SATL1: variants seen among roughly 807,000 people sequenced by gnomAD.
The protein encoded by SATL1 is spermidine/spermine N(1)-acetyltransferase-like protein 1.
In SATL1, 47 loss-of-function variants were observed where a neutral mutation model predicts 51.8. The ratio of observed to expected loss-of-function variants is 0.91; its 90% confidence interval spans 0.72 to 1.16. The LOEUF is 1.16. SATL1 is among the 50% of genes most tolerant of loss of function. The pLI is 0.00. For missense variants in SATL1, 520 were observed against 526.4 expected (o/e 0.99, Z 0.12); for synonymous variants, 176 against 182.4 (o/e 0.97, Z 0.28).
At chrX:85,153,522 C>T (rs1602874540) in intron 2 of SATL1, among the ~76,000 whole-genome samples, 1 of 111,751 alleles carries the variant, frequency 8.9e-6, no homozygotes, top group East Asian at 2.8e-4. Flanking sequence ...ATCTTGTCAG[C>T]CTTCTGCATG....
chrX:85,210,936 A>T (rs993550073), intron 2 of SATL1: 8 of 111,541 alleles, frequency 7.2e-5, no homozygotes, highest in Non-Finnish European at 1.5e-4. Flanking sequence ...TCCTGTTTGT[A>T]TCGGTTTGTC....
chrX:85,135,761 A>ATTTTTTTTTTTTTTTTT (rs1569234174), intron 2 of SATL1, among the ~76,000 whole-genome samples: 2 of 102,529 alleles, frequency 2.0e-5, no homozygotes, highest in African/African-American at 3.7e-5. Flanking sequence ...TGTACTTTTC[A>ATTTTTTTTTTTTTTTTT]TAGAGATGGG....
chrX:85,094,828 T>C (rs1358070390), intron 5 of SATL1, 88 bp downstream of exon 5: 1 of 583,890 alleles, frequency 1.7e-6, no homozygotes, highest in Non-Finnish European at 2.8e-6. Context: ...TTCTGCTTAA[T>C]AGTAATTATA....
At chrX:85,118,086 G>GTTTTTTTTTTTTT (rs780585183) in intron 2 of SATL1, among the ~76,000 whole-genome samples, 4 of 38,821 alleles carry the variant, frequency 1.0e-4, no homozygotes, top group African/African-American at 1.7e-4. Context: ...AAAGAACTTA[G>GTTTTTTTTTTTTT]CTTTTTTTTT....
rs142526922 is a variant in SATL1 at position 85,109,358 on chromosome X, C to T, written c.-312-78G>A. On this transcript the variant is annotated intron_variant, in intron 2 of 7. Coordinates refer to ENST00000644105, the MANE Select transcript of SATL1 (RefSeq NM_001367857.2). ...AACCACCAGCCCGCCCCTGCATGGT[C>T]ACTGCATCATAATGGCGGTCACAAT... 6.6e-3 allele frequency: 1,401 copies of T among 212,898 alleles called. 10 individuals are homozygous for T. Among genetic ancestry groups the T allele is most frequent in the Non-Finnish European group, 7.2e-3 (852 of 118,226 alleles). 17.5% of individuals were successfully genotyped at this position (212,898 alleles called of 1,213,427 possible).
chrX:85,157,547 TAGTCTCCCTAGTTA>T (rs754151205), intron 2 of SATL1, among the ~76,000 whole-genome samples: 16 of 111,311 alleles, frequency 1.4e-4, no homozygotes, highest in African/African-American at 5.2e-4. Flanking sequence ...CACTTTTTCT[TAGTCTCCCTAGTTA>T]CTTCTGTCAC....
chrX:85,210,741 T>C (rs1322713021), intron 2 of SATL1: 1 of 111,731 alleles, frequency 9.0e-6, no homozygotes, highest in African/African-American at 3.2e-5. Flanking sequence ...CGTAGGCACA[T>C]GTGAAGCTTT....
chrX:85,092,885 T>C (rs1346484569), intron 7 of SATL1: 7 of 323,936 alleles, frequency 2.2e-5, no homozygotes, highest in Admixed American at 5.4e-5. Context: ...ATATTCATAC[T>C]GTGAGCCTGT....
At chrX:85,180,653 C>A (rs1927181917) in intron 2 of SATL1, among the ~76,000 whole-genome samples, 1 of 111,091 alleles carries the variant, frequency 9.0e-6, no homozygotes, top group Admixed American at 9.6e-5. Flanking sequence ...ACATAATTTT[C>A]ATTTATTGCA....
At chrX:85,102,832 A>G (rs1402724493) in intron 4 of SATL1, among the ~76,000 whole-genome samples, 1 of 111,060 alleles carries the variant, frequency 9.0e-6, no homozygotes, top group South Asian at 3.8e-4. Context: ...TTATATACTC[A>G]ACAGTTGAGC....
rs184036077 is a variant in SATL1, at chrX:85,206,268, G to A, written c.-313+17937C>T. Among the ~76,000 whole-genome samples the A allele has an allele frequency of 1.6e-3, 175 of 111,492 alleles. No individual in the cohort carries two copies. The South Asian group carries it at 0.017, about 11-fold the overall frequency. On this transcript the variant is annotated intron_variant, in intron 2 of 7. Coordinates refer to ENST00000644105, the MANE Select transcript of SATL1 (RefSeq NM_001367857.2). ...TCATGTTAATGGACTTACGGCCAGAGTATAGATTCAGAGGAAAAAAGAGCT... is the reference window on the plus strand; with the variant it reads ...TCATGTTAATGGACTTACGGCCAGAATATAGATTCAGAGGAAAAAAGAGCT...
At chrX:85,111,204 G>C (rs1359786440) in intron 2 of SATL1, among the ~76,000 whole-genome samples, 3 of 112,834 alleles carry the variant, frequency 2.7e-5, no homozygotes, top group African/African-American at 6.4e-5. Context: ...TCTTTAATAA[G>C]TAAAGTTAGA....
At chrX:85,149,812 G>A (rs1926372214) in intron 2 of SATL1, among the ~76,000 whole-genome samples, 1 of 111,035 alleles carries the variant, frequency 9.0e-6, no homozygotes, top group South Asian at 3.9e-4. Flanking sequence ...CACATTCAAA[G>A]CAGTATGTAG....
At position 85,115,240 on chromosome X, in the gene SATL1, A is replaced by G. The variant is rs781611615; in HGVS notation, c.-312-5960T>C. Among the ~76,000 whole-genome samples, 5 of 112,470 alleles carry G rather than the reference A, an allele frequency of 4.4e-5. No individual in the cohort carries two copies. The South Asian group carries it at 1.1e-3, about 25-fold the overall frequency. ...GTAAGAACTTGCAAATGGCAAAGGAAGGATTTCTCCTCCTCCCAAAGGAGG... is the reference window on the plus strand; with the variant it reads ...GTAAGAACTTGCAAATGGCAAAGGAGGGATTTCTCCTCCTCCCAAAGGAGG... On this transcript the variant is annotated intron_variant, in intron 2 of 7. Coordinates refer to ENST00000644105, the MANE Select transcript of SATL1 (RefSeq NM_001367857.2).
chrX:85,193,791 A>G (rs773199392), intron 2 of SATL1, among the ~76,000 whole-genome samples: 9 of 112,039 alleles, frequency 8.0e-5, no homozygotes, highest in African/African-American at 2.6e-4. Flanking sequence ...CTGTTCCTGC[A>G]TTAGTTTGCT....
intron 2 of SATL1, among the ~76,000 whole-genome samples, chrX:85,123,302 C>G (rs959358158): frequency 9.0e-6 from 1 of 111,187 alleles, no homozygotes; most frequent in African/African-American, 3.3e-5. Flanking sequence ...TTTCCTTTCC[C>G]CCACAACCTC....
chrX:85,115,066 G>C (rs1385347200), intron 2 of SATL1, among the ~76,000 whole-genome samples: 1 of 111,684 alleles, frequency 9.0e-6, no homozygotes, highest in African/African-American at 3.3e-5. Context: ...AGAAATGGAG[G>C]CTACAGGAGG....
chrX:85,151,613 A>C (rs1388574277), intron 2 of SATL1, among the ~76,000 whole-genome samples: 8 of 111,498 alleles, frequency 7.2e-5, no homozygotes, highest in Non-Finnish European at 1.9e-5. Context: ...CGGTACCAAA[A>C]CAGAGATATA....
rs1927770824 is a variant in SATL1 at position 85,205,284 on chromosome X, TA to T, written c.-313+18920del. Among the ~76,000 whole-genome samples, 4 of 112,476 alleles carry T rather than the reference TA, an allele frequency of 3.6e-5. No homozygotes were observed. In the South Asian group the frequency reaches 1.5e-3, roughly 41 times the overall value. ...TCAACAAAATTTATTGAATGCCTAC[TA>T]TATGCCTAAAACCGTTCTATACATT... On this transcript the variant is annotated intron_variant, in intron 2 of 7. Transcript: ENST00000644105.
Sources: gnomAD v4.1 joint callset for allele counts (sites outside exome capture counted in the v4.1 genomes callset) on GRCh38, gnomAD v4.1.1 for gene constraint, MANE v1.5 for transcripts, NCBI Gene and HGNC (gene_info 2026-07-23, HGNC 2026-07-21) for gene names.